CACNG4: variants seen among roughly 807,000 people sequenced by gnomAD.
CACNG4 encodes voltage-dependent calcium channel gamma-4 subunit.
Under a neutral mutation model 22.9 loss-of-function variants are expected in CACNG4, and 8 were observed. The ratio of observed to expected loss-of-function variants is 0.35; its 90% CI spans 0.21 to 0.63. The LOEUF is 0.63. CACNG4 is among the 30% of genes least tolerant of loss of function. The pLI, the probability that CACNG4 is intolerant of heterozygous loss-of-function variation, is 0.72. For missense variants in CACNG4, 357 were observed against 455.4 expected (o/e 0.78, Z 1.97); for synonymous variants, 188 against 191.9 (o/e 0.98, Z 0.17).
chr17:67,006,318 G>A (rs2035437746), intron 1 of CACNG4, among the ~76,000 whole-genome samples: 1 of 152,180 alleles, frequency 6.6e-6, no homozygotes. Flanking sequence ...AGAGCTCCGG[G>A]CATGAGCCAT....
At chr17:67,018,931 T>G (rs1313101003) in intron 2 of CACNG4, among the ~76,000 whole-genome samples, 1 of 151,820 alleles carries the variant, frequency 6.6e-6, no homozygotes, top group Non-Finnish European at 1.5e-5. Flanking sequence ...CAGCACAAGC[T>G]CAATCCCAAA....
At chr17:66,989,060 CAAAAA>C (rs35041834) in intron 1 of CACNG4, among the ~76,000 whole-genome samples, 2 of 63,318 alleles carry the variant, frequency 3.2e-5, no homozygotes, top group Admixed American at 1.9e-4. Flanking sequence ...GACTCTGCCT[CAAAAA>C]AAAAAAAAAA....
At chr17:67,016,936 G>T (rs73339182) in intron 1 of CACNG4, among the ~76,000 whole-genome samples, 4,229 of 152,050 alleles carry the variant, frequency 0.028, 190 homozygotes, top group African/African-American at 0.096. Flanking sequence ...CTCAGAGTAG[G>T]GAGGAAGAAA....
At chr17:66,972,311 C>G (rs373151471) in intron 1 of CACNG4, among the ~76,000 whole-genome samples, 3 of 152,148 alleles carry the variant, frequency 2.0e-5, no homozygotes, top group Non-Finnish European at 4.4e-5. Flanking sequence ...GGCTGCCCCT[C>G]GGAGCAGGGC....
At chr17:67,009,380 C>T (rs561711305) in intron 1 of CACNG4, among the ~76,000 whole-genome samples, 2 of 152,192 alleles carry the variant, frequency 1.3e-5, no homozygotes, top group South Asian at 2.1e-4. Context: ...TCTGAAACCA[C>T]GTCCAAGGAT....
intron 2 of CACNG4, among the ~76,000 whole-genome samples, chr17:67,022,079 T>TC (rs1330168136): frequency 2.0e-5 from 3 of 150,882 alleles, no homozygotes; most frequent in African/African-American, 7.3e-5. Context: ...AACTGGGCTT[T>TC]TTTTTTTTTT....
Position 67,030,547 on chromosome 17 carries a change from A to G in CACNG4, c.527A>G (p.Lys176Arg). Residue 176 changes from lysine to arginine, a missense_variant, in exon 4 of 4, where the codon AAG (lysine) becomes AGG (arginine). Coordinates refer to ENST00000262138, the MANE Select transcript of CACNG4 (RefSeq NM_014405.4). The surrounding 1 kb of genome is among the most constrained non-coding windows in gnomAD (Gnocchi z 6.4). ...DPSDKRDEDKKNHYNYGWSFY... is the reference protein window; with the variant it reads ...DPSDKRDEDKRNHYNYGWSFY... ...AGTGACAAGCGGGACGAAGACAAAA[A>G]GAACCATTACAACTACGGCTGGTCT... 6.2e-7 allele frequency: 1 copy of G among 1,614,240 alleles called. No homozygotes were observed. Among genetic ancestry groups the G allele is most frequent in the Non-Finnish European group, 8.5e-7 (1 of 1,180,044 alleles).
At chr17:67,023,308 C>T (rs1312886950) in intron 2 of CACNG4, among the ~76,000 whole-genome samples, 5 of 135,284 alleles carry the variant, frequency 3.7e-5, no homozygotes, top group Middle Eastern at 4.7e-3. Context: ...CAGAGTCTCG[C>T]TCTGTCACCC....
intron 3 of CACNG4, among the ~76,000 whole-genome samples, chr17:67,029,637 AAAAC>A (rs57964937): frequency 9.3e-5 from 14 of 150,962 alleles, no homozygotes; most frequent in African/African-American, 2.4e-4. Context: ...CTGGCTCCAA[AAAAC>A]AAACAAACAA....
At chr17:66,995,365 C>T (rs2035367608) in intron 1 of CACNG4, among the ~76,000 whole-genome samples, 1 of 152,156 alleles carries the variant, frequency 6.6e-6, no homozygotes, top group Non-Finnish European at 1.5e-5. Flanking sequence ...GGCAGCCTCT[C>T]ATGAAGCCTG....
rs370232524 is a variant in CACNG4 at position 66,979,829 on chromosome 17, A to T, written c.220+14698A>T. ...CAGTGGCGCAATCTCTGCTCACTGC[A>T]ACCTCTACCTCCTGGGTCCTGGTTC... is the stretch of plus-strand genomic sequence containing the variant. On this transcript the variant is annotated intron_variant, in intron 1 of 3. Transcript: ENST00000262138. Among the ~76,000 whole-genome samples the T allele has an allele frequency of 5.7e-5, 8 of 140,962 alleles. No homozygotes were observed. The South Asian group carries it at 1.8e-3, about 32-fold the overall frequency. 92.5% of individuals were successfully genotyped at this position (140,962 alleles called of 152,430 possible). A position where few individuals can be genotyped will look rare whatever the true frequency, so the allele number is the denominator to read the frequency against.
intron 1 of CACNG4, among the ~76,000 whole-genome samples, chr17:66,979,636 A>G (rs2035259110): frequency 1.3e-5 from 2 of 152,188 alleles, no homozygotes; most frequent in South Asian, 4.1e-4. Flanking sequence ...TGCAGAGAGG[A>G]AAAAATATAA....
At chr17:66,983,451 G>C (rs2035288312) in intron 1 of CACNG4, among the ~76,000 whole-genome samples, 3 of 152,216 alleles carry the variant, frequency 2.0e-5, no homozygotes, top group Admixed American at 2.0e-4. Flanking sequence ...GAGGAGTTTA[G>C]ATGGGAAGAG....
intron 1 of CACNG4, among the ~76,000 whole-genome samples, chr17:67,007,802 T>G (rs2035446179): frequency 1.3e-5 from 2 of 152,190 alleles, no homozygotes; most frequent in Admixed American, 6.5e-5. Flanking sequence ...TTCCTGCTCA[T>G]GTAACAGTCC....
At chr17:66,972,924 TCAAAAA>T (rs147142904) in intron 1 of CACNG4, among the ~76,000 whole-genome samples, 14,062 of 148,312 alleles carry the variant, frequency 0.095, 898 homozygotes, top group East Asian at 0.25. Flanking sequence ...AGACTCTGTC[TCAAAAA>T]CAAAAACAAA....
intron 1 of CACNG4, among the ~76,000 whole-genome samples, chr17:67,012,369 C>T (rs1378478708): frequency 6.6e-6 from 1 of 152,196 alleles, no homozygotes; most frequent in East Asian, 1.9e-4. Flanking sequence ...AAGCATGCAA[C>T]ACGCCCAGCC....
chr17:67,015,965 T>A (rs1598120767), intron 1 of CACNG4, among the ~76,000 whole-genome samples: 1 of 152,158 alleles, frequency 6.6e-6, no homozygotes, highest in Admixed American at 6.5e-5. Flanking sequence ...CGGCCCACTC[T>A]GGCCTTTGTG....
intron 1 of CACNG4, among the ~76,000 whole-genome samples, chr17:66,994,808 G>A (rs75421420): frequency 1.7e-4 from 26 of 152,254 alleles, no homozygotes; most frequent in Non-Finnish European, 2.6e-4. Flanking sequence ...TCCTCCATAC[G>A]TTCTCAGAGG....
intron 1 of CACNG4, among the ~76,000 whole-genome samples, chr17:67,006,087 G>A (rs1334677486): frequency 6.6e-6 from 1 of 152,192 alleles, no homozygotes; most frequent in African/African-American, 2.4e-5. Flanking sequence ...GAATTGAAAT[G>A]TGTCCCTTTT....
Sources: gnomAD v4.1 joint callset for allele counts (sites outside exome capture counted in the v4.1 genomes callset) on GRCh38, gnomAD v4.1.1 for gene constraint, Gnocchi (gnomAD v3.1) non-coding constraint, MANE v1.5 for transcripts, NCBI Gene and HGNC (gene_info 2026-07-23, HGNC 2026-07-21) for gene names.